The following TUSC3 variants were observed in gnomAD, a reference collection of about 807,000 sequenced individuals.
The protein encoded by TUSC3 is tumor suppressor candidate 3.
In TUSC3, 45 loss-of-function variants were observed where a neutral mutation model predicts 44.8. The ratio of observed to expected loss-of-function variants is 1.00; its 90% confidence interval spans 0.79 to 1.29. TUSC3 has a LOEUF of 1.29. TUSC3 is among the 50% of genes most tolerant of loss of function. The pLI, the probability that TUSC3 is intolerant of heterozygous loss-of-function variation, is 0.00. For synonymous variants in TUSC3, 212 were observed against 152.9 expected (o/e 1.39, Z -2.85); for missense variants, 519 against 437.9 (o/e 1.19, Z -1.65).
chr8:15,810,997 A>G, the TUSC3 span, among the ~76,000 whole-genome samples: 2 of 152,108 alleles, frequency 1.3e-5, no homozygotes, highest in Non-Finnish European at 2.9e-5. Context: ...TCCTTAGATT[A>G]CTTCCAGTTT....
chr8:15,700,207 A>C (rs967131566), intron 6 of TUSC3, among the ~76,000 whole-genome samples: 5 of 152,186 alleles, frequency 3.3e-5, no homozygotes, highest in Non-Finnish European at 5.9e-5. Context: ...AAAGTTTATC[A>C]TGCTTTTCCA....
the TUSC3 span, among the ~76,000 whole-genome samples, chr8:15,803,342 C>A: frequency 6.6e-6 from 1 of 152,130 alleles, no homozygotes; most frequent in Non-Finnish European, 1.5e-5. Flanking sequence ...CCTAATTAGA[C>A]AGATAAGCAT....
intron 2 of TUSC3, among the ~76,000 whole-genome samples, chr8:15,502,867 A>G (rs1800986418): frequency 6.6e-6 from 1 of 152,246 alleles, no homozygotes; most frequent in African/African-American, 2.4e-5. Flanking sequence ...GCCTTCCCAA[A>G]AAGAATGCCA....
At chr8:15,828,360 G>T in the TUSC3 span, among the ~76,000 whole-genome samples, 1 of 152,118 alleles carries the variant, frequency 6.6e-6, no homozygotes, top group African/African-American at 2.4e-5. Flanking sequence ...ATCAACATCT[G>T]TAGGTGACCA....
rs574649585 is a variant in TUSC3 at position 15,437,340 on chromosome 8, T to A, written n.91+20035T>A. 2.6e-5 allele frequency among the ~76,000 whole-genome samples: 4 copies of A among 152,314 alleles called. No homozygotes were observed. In the East Asian group the frequency reaches 5.8e-4, roughly 22 times the overall value. The stretch of plus-strand genomic sequence containing the variant: ...TTTAGTCTAGACCTACATATCTCTG[T>A]TTACTACATTTCTAAGCAGCTTTTA... On this transcript the variant is annotated intron_variant and non_coding_transcript_variant, in intron 1 of 5. Coordinates refer to the TUSC3 transcript ENST00000503191.
At chr8:15,459,619 C>G (rs190974473) in intron 1 of TUSC3, among the ~76,000 whole-genome samples, 166 of 152,152 alleles carry the variant, frequency 1.1e-3, no homozygotes, top group Non-Finnish European at 2.1e-3. Flanking sequence ...CCTCGCCACC[C>G]TCCCACCCTT....
intron 2 of TUSC3, among the ~76,000 whole-genome samples, chr8:15,515,897 C>T (rs1003679443): frequency 1.3e-5 from 2 of 152,008 alleles, no homozygotes; most frequent in Non-Finnish European, 2.9e-5. Context: ...TCTTGAATTC[C>T]TGACCTTGTG....
chr8:15,553,943 G>A (rs1460781469), intron 1 of TUSC3, among the ~76,000 whole-genome samples: 1 of 151,648 alleles, frequency 6.6e-6, no homozygotes, highest in Non-Finnish European at 1.5e-5. Flanking sequence ...GTAGTGTCAG[G>A]CTGTTCAGAC....
intron 1 of TUSC3, among the ~76,000 whole-genome samples, chr8:15,611,238 G>A (rs1484657534): frequency 6.6e-6 from 1 of 152,146 alleles, no homozygotes; most frequent in African/African-American, 2.4e-5. Context: ...CCAGTCTGGA[G>A]GGCAATGGCG....
chr8:15,424,529 C>G lies in TUSC3; in HGVS notation n.91+7224C>G, dbSNP rs555964453. Among the ~76,000 whole-genome samples the G allele has an allele frequency of 2.0e-5, 3 of 152,152 alleles. No individual in the cohort carries two copies. The South Asian group carries it at 6.2e-4, about 32-fold the overall frequency. ...CTGGGCAAACAAAAATGACATCTGC[C>G]CACCGCAGCAGACCCAGAACTACCA... On this transcript the variant is annotated intron_variant and non_coding_transcript_variant, in intron 1 of 5. Coordinates refer to the TUSC3 transcript ENST00000503191.
At chr8:15,625,292 C>A (rs558147542) in intron 2 of TUSC3, among the ~76,000 whole-genome samples, 1 of 151,964 alleles carries the variant, frequency 6.6e-6, no homozygotes, top group East Asian at 1.9e-4. Flanking sequence ...AGACACTGGT[C>A]TGTAGTTTTT....
At chr8:15,551,694 T>C (rs114282297) in intron 1 of TUSC3, among the ~76,000 whole-genome samples, 120 of 151,872 alleles carry the variant, frequency 7.9e-4, no homozygotes, top group African/African-American at 2.6e-3. Context: ...CTTAAGAAGT[T>C]ATTTGTCTTA....
chr8:15,444,094 C>G (rs1800059292), intron 1 of TUSC3, among the ~76,000 whole-genome samples: 1 of 152,286 alleles, frequency 6.6e-6, no homozygotes, highest in Non-Finnish European at 1.5e-5. Flanking sequence ...TTGCGATTCC[C>G]CTGTCTAGTG....
the TUSC3 span, among the ~76,000 whole-genome samples, chr8:15,818,552 T>C: frequency 6.6e-6 from 1 of 152,210 alleles, no homozygotes; most frequent in African/African-American, 2.4e-5. Context: ...TGATTAAAAA[T>C]GCACTTCTAA....
rs77859406 is a variant in TUSC3 at position 15,482,744 on chromosome 8, A to G, written n.92-642A>G. Among the ~76,000 whole-genome samples the G allele has an allele frequency of 2.0e-5, 3 of 152,194 alleles. No individual in the cohort carries two copies. The East Asian group carries it at 5.8e-4, about 29-fold the overall frequency. Reference sequence around the variant, plus strand: ...AAAACATGATTAAAAATGTATGTACAGAATAATAGCAAATCTGTATATACA... The same window carrying G: ...AAAACATGATTAAAAATGTATGTACGGAATAATAGCAAATCTGTATATACA... On this transcript the variant is annotated intron_variant and non_coding_transcript_variant, in intron 1 of 5. Coordinates refer to the TUSC3 transcript ENST00000503191.
chr8:15,783,507 T>C, the TUSC3 span, among the ~76,000 whole-genome samples: 1 of 152,142 alleles, frequency 6.6e-6, no homozygotes, highest in African/African-American at 2.4e-5. Context: ...AACAACATGG[T>C]ACTGGCATAA....
chr8:15,528,636 T>C (rs959530736), intron 2 of TUSC3, among the ~76,000 whole-genome samples: 2 of 152,234 alleles, frequency 1.3e-5, no homozygotes, highest in African/African-American at 4.8e-5. Flanking sequence ...AGTGTTTTCC[T>C]GGCTTCTGTA....
At chr8:15,481,178 C>T (rs1800655007) in intron 1 of TUSC3, among the ~76,000 whole-genome samples, 2 of 146,866 alleles carry the variant, frequency 1.4e-5, no homozygotes, top group African/African-American at 5.1e-5. Context: ...AACCTGGAAG[C>T]AGAGGCTGTG....
chr8:15,573,202 C>CTCTCTCTCTATATATATATATATA (rs1435847916), intron 1 of TUSC3, among the ~76,000 whole-genome samples: 1 of 74,204 alleles, frequency 1.3e-5, no homozygotes, highest in Admixed American at 1.9e-4. Context: ...CTCTCTCTCT[C>CTCTCTCTCTATATATATATATATA]TATATATATA....
Sources: allele counts gnomAD v4.1 joint callset (sites outside exome capture counted in the v4.1 genomes callset), GRCh38; gene constraint gnomAD v4.1.1; transcripts MANE v1.5; gene names NCBI Gene and HGNC (gene_info 2026-07-23, HGNC 2026-07-21).